Variants in ROBO2 observed in about 807,000 individuals in gnomAD.
ROBO2 encodes roundabout homolog 2.
A neutral mutation model predicts 160.8 loss-of-function variants in ROBO2; 53 were observed. That is an observed-to-expected ratio of 0.33 (90% CI 0.26 to 0.41). ROBO2 has a LOEUF of 0.41. Ranked by LOEUF, ROBO2 falls within the 10% of genes least tolerant of loss-of-function variation. The probability of loss-of-function intolerance (pLI) is 1.00; values close to 1 mark genes in which losing one functional copy is unlikely to be tolerated. For missense variants in ROBO2, 1,577 were observed against 1,722.4 expected (o/e 0.92, Z 1.49); for synonymous variants, 664 against 611.7 (o/e 1.09, Z -1.26).
chr3:77,210,227 G>T (rs1470666413), intron 2 of ROBO2, among the ~76,000 whole-genome samples: 1 of 151,668 alleles, frequency 6.6e-6, no homozygotes. Flanking sequence ...CTCCTTCATT[G>T]CAGAAAATGG....
chr3:76,657,701 C>A (rs1471935252), intron 2 of ROBO2, among the ~76,000 whole-genome samples: 1 of 134,054 alleles, frequency 7.5e-6, no homozygotes, highest in African/African-American at 3.0e-5. Flanking sequence ...TATATATATT[C>A]ATATATGTGT....
intron 2 of ROBO2, among the ~76,000 whole-genome samples, chr3:76,414,731 CA>C (rs2075676068): frequency 7.1e-6 from 1 of 140,600 alleles, no homozygotes; most frequent in African/African-American, 2.7e-5. Flanking sequence ...CTAACCTGCA[CA>C]ATGTGCACAT....
At chr3:76,929,613 C>T (rs1280438446) in intron 2 of ROBO2, among the ~76,000 whole-genome samples, 1 of 152,046 alleles carries the variant, frequency 6.6e-6, no homozygotes, top group Non-Finnish European at 1.5e-5. Flanking sequence ...CCCCTTAAAA[C>T]GTAAGGCAGA....
chr3:76,513,617 A>G lies in ROBO2; in HGVS notation c.109+576015A>G, dbSNP rs373357477. 3.2e-4 allele frequency among the ~76,000 whole-genome samples: 48 copies of G among 152,358 alleles called. 2 individuals carry two copies. Among genetic ancestry groups the G allele is most frequent in the South Asian group, 2.7e-3 (13 of 4,830 alleles). On this transcript the variant is annotated intron_variant, in intron 2 of 26. Transcript: ENST00000487694. ...CAACCAGCAAAATTGAGTATAAATC[A>G]AATATTGAATATAATTTAAAGTTAT...
intron 2 of ROBO2, among the ~76,000 whole-genome samples, chr3:77,247,627 AT>A (rs2089879920): frequency 6.6e-6 from 1 of 152,214 alleles, no homozygotes; most frequent in African/African-American, 2.4e-5. Flanking sequence ...ACTACCAGGA[AT>A]TCTGAGAATT....
chr3:76,692,840 G>A (rs1310173911), intron 2 of ROBO2, among the ~76,000 whole-genome samples: 8 of 151,416 alleles, frequency 5.3e-5, no homozygotes, highest in Non-Finnish European at 4.4e-5. Context: ...ATTATTCAGG[G>A]CTCTCCAGAG....
intron 2 of ROBO2, among the ~76,000 whole-genome samples, chr3:77,131,347 T>G (rs1179583911): frequency 6.6e-6 from 1 of 152,194 alleles, no homozygotes; most frequent in Non-Finnish European, 1.5e-5. Context: ...TGCTGTTTTG[T>G]TGTGTTCTAA....
chr3:77,383,116 A>T (rs2073724213), intron 2 of ROBO2, among the ~76,000 whole-genome samples: 1 of 152,168 alleles, frequency 6.6e-6, no homozygotes, highest in Non-Finnish European at 1.5e-5. Flanking sequence ...TTCATTAATA[A>T]ACTTCAGCTA....
chr3:76,443,774 G>A (rs1577226110), intron 2 of ROBO2, among the ~76,000 whole-genome samples: 1 of 152,154 alleles, frequency 6.6e-6, no homozygotes, highest in Middle Eastern at 3.4e-3. Flanking sequence ...CTAGAATGTA[G>A]CTTATGAATC....
chr3:77,618,296 G>GA (rs560097327), intron 22 of ROBO2: 38 of 153,088 alleles, frequency 2.5e-4, no homozygotes, highest in South Asian at 7.8e-4. Flanking sequence ...AAGTGCAACA[G>GA]AAAAAAAAAG....
intron 2 of ROBO2, among the ~76,000 whole-genome samples, chr3:76,934,561 A>G (rs988898880): frequency 2.6e-5 from 4 of 152,086 alleles, no homozygotes; most frequent in Non-Finnish European, 5.9e-5. Flanking sequence ...CCTGGACAAC[A>G]TGATGAAACC....
chr3:75,979,298 G>A (rs1484047133), intron 2 of ROBO2, among the ~76,000 whole-genome samples: 1 of 151,346 alleles, frequency 6.6e-6, no homozygotes, highest in Non-Finnish European at 1.5e-5. Flanking sequence ...TTAAAGTAAG[G>A]GAATATACAC....
chr3:76,340,095 A>AAC (rs2074130055), intron 2 of ROBO2, among the ~76,000 whole-genome samples: 1 of 151,734 alleles, frequency 6.6e-6, no homozygotes, highest in Admixed American at 6.6e-5. Flanking sequence ...CAAAAAAAAA[A>AAC]AACTTAGAAA....
intron 2 of ROBO2, among the ~76,000 whole-genome samples, chr3:76,146,172 A>C (rs1265878019): frequency 6.6e-6 from 1 of 152,026 alleles, no homozygotes; most frequent in African/African-American, 2.4e-5. Context: ...TACCTTCTCC[A>C]CAACCACACC....
intron 1 of ROBO2, among the ~76,000 whole-genome samples, chr3:77,097,680 C>G (rs1173493873): frequency 2.0e-5 from 3 of 152,126 alleles, no homozygotes; most frequent in Non-Finnish European, 1.5e-5. Context: ...GTATAATAAG[C>G]AATCTGAGGA....
At chr3:76,284,116 T>C (rs1308306511) in intron 2 of ROBO2, among the ~76,000 whole-genome samples, 2 of 152,034 alleles carry the variant, frequency 1.3e-5, no homozygotes, top group Non-Finnish European at 2.9e-5. Context: ...TTTTCACCTT[T>C]AAAAAATATA....
At chr3:77,031,646 A>G (rs1268831632) in intron 2 of ROBO2, among the ~76,000 whole-genome samples, 2 of 146,624 alleles carry the variant, frequency 1.4e-5, no homozygotes, top group Non-Finnish European at 3.0e-5. Context: ...ATTTATTTAT[A>G]TATAAGACAC....
At chr3:77,157,828 A>G (rs1473054441) in intron 2 of ROBO2, among the ~76,000 whole-genome samples, 1 of 152,096 alleles carries the variant, frequency 6.6e-6, no homozygotes, top group Non-Finnish European at 1.5e-5. Flanking sequence ...TGCCACTTAG[A>G]TATTACATGT....
intron 2 of ROBO2, among the ~76,000 whole-genome samples, chr3:77,447,805 T>C (rs965548281): frequency 2.0e-5 from 3 of 152,158 alleles, no homozygotes; most frequent in African/African-American, 7.2e-5. Flanking sequence ...TGTTAAACCT[T>C]CATGTTTGGT....
Sources: allele counts gnomAD v4.1 joint callset (sites outside exome capture counted in the v4.1 genomes callset), GRCh38; gene constraint gnomAD v4.1.1; transcripts MANE v1.5; gene names NCBI Gene and HGNC (gene_info 2026-07-23, HGNC 2026-07-21).